Variants in KRCC1 observed in about 807,000 individuals in gnomAD.
KRCC1 encodes lysine-rich coiled-coil protein 1.
Under a neutral mutation model 7.4 loss-of-function variants are expected in KRCC1, and 3 were observed. The ratio of observed to expected loss-of-function variants is 0.40; its 90% CI spans 0.18 to 1.04. The LOEUF (loss-of-function observed/expected upper bound fraction) is 1.04, where lower values mean the gene tolerates loss of function less well. Ranked by LOEUF, KRCC1 falls within the 50% of genes least tolerant of loss-of-function variation. KRCC1 has a pLI of 0.33. For missense variants in KRCC1, 277 were observed against 300.9 expected (o/e 0.92, Z 0.59); for synonymous variants, 102 against 101.6 (o/e 1.00, Z -0.02).
At chr2:88,028,690 C>A in intron 3 of KRCC1, 105 bp from the exon 4 acceptor site, 4 of 708,544 alleles carry the variant, frequency 5.6e-6, no homozygotes, top group East Asian at 2.9e-5. Flanking sequence ...CGCCCTGTCG[C>A]CCAGACTAGA....
intron 1 of KRCC1, among the ~76,000 whole-genome samples, chr2:88,043,977 A>G (rs1057168604): frequency 1.3e-5 from 2 of 152,090 alleles, no homozygotes; most frequent in African/African-American, 2.4e-5. Context: ...GCCCGGCCTC[A>G]CGTTACTAAT....
chr2:88,055,182 G>A (rs1461129489), intron 1 of KRCC1, among the ~76,000 whole-genome samples: 10 of 148,742 alleles, frequency 6.7e-5, no homozygotes, highest in Non-Finnish European at 1.5e-4. Flanking sequence ...CTCCCTAAGC[G>A]TCCTACGTCA....
Position 88,028,232 on chromosome 2 carries a change from A to T in KRCC1, c.332T>A (p.Phe111Tyr). 2 of 1,614,192 alleles carry T rather than the reference A, an allele frequency of 1.2e-6. No homozygotes were observed. The highest frequency in any genetic ancestry group is 1.7e-6 in the Non-Finnish European group (2 of 1,180,020). Residue 111 changes from phenylalanine to tyrosine, a missense_variant, in exon 4 of 4, where the codon TTC (phenylalanine) becomes TAC (tyrosine). Transcript: ENST00000347055. ...LSYCQFTRDC[F>Y]SEKPVPLNFN... ...GTTCAGGGGTACTGGTTTTTCTGAG[A>T]AACAGTCCCTCGTGAACTGACAGTA...
intron 1 of KRCC1, among the ~76,000 whole-genome samples, chr2:88,039,891 G>A (rs1274962248): frequency 4.6e-5 from 7 of 151,830 alleles, no homozygotes; most frequent in Non-Finnish European, 7.4e-5. Context: ...TTGGTTTGGC[G>A]TAGTGCTTCG....
At chr2:88,039,461 C>A (rs1032317999) in intron 1 of KRCC1, among the ~76,000 whole-genome samples, 2 of 151,816 alleles carry the variant, frequency 1.3e-5, no homozygotes, top group Non-Finnish European at 2.9e-5. Flanking sequence ...CAGAGGCGGG[C>A]GGATTACTTG....
Position 88,027,646 on chromosome 2 carries a change from AAC to A in KRCC1, c.*136_*137del. ...TCTGTGTTGGAGAGCAAGCATGCTA[AAC>A]ACTTTGTTTACTAGGCCTTTGTTAG... On this transcript the variant is annotated 3_prime_UTR_variant, in exon 4 of 4. Coordinates refer to ENST00000347055, the MANE Select transcript of KRCC1 (RefSeq NM_016618.3). The A allele has an allele frequency of 1.5e-6, 1 of 670,344 alleles. No individual in the cohort carries two copies. The highest frequency in any genetic ancestry group is 2.5e-5 in the South Asian group (1 of 40,066). The allele number at this position is 670,344 out of a possible 1,614,324, so 41.5% of individuals were successfully genotyped here.
intron 1 of KRCC1, among the ~76,000 whole-genome samples, chr2:88,050,133 A>G (rs1458378192): frequency 6.6e-6 from 1 of 152,194 alleles, no homozygotes; most frequent in African/African-American, 2.4e-5. Context: ...GAACTCAAAA[A>G]TGTTTTCTGA....
intron 1 of KRCC1, among the ~76,000 whole-genome samples, chr2:88,054,007 T>C (rs1673557034): frequency 6.6e-6 from 1 of 152,216 alleles, no homozygotes; most frequent in Non-Finnish European, 1.5e-5. Context: ...TGCAGTGGGA[T>C]CAAGCACTAT....
At chr2:88,033,597 G>C (rs528074261) in intron 3 of KRCC1, among the ~76,000 whole-genome samples, 4 of 152,224 alleles carry the variant, frequency 2.6e-5, no homozygotes, top group East Asian at 1.9e-4. Context: ...ATACATGAAG[G>C]TTCATTATAC....
chr2:88,044,863 ATT>A (rs11302450), intron 1 of KRCC1, among the ~76,000 whole-genome samples: 122 of 105,838 alleles, frequency 1.2e-3, no homozygotes, highest in East Asian at 4.4e-3. Flanking sequence ...GAGTTTGATA[ATT>A]TTTTTTTTTT....
chr2:88,049,212 C>G (rs1209715804), intron 1 of KRCC1, among the ~76,000 whole-genome samples: 1 of 152,138 alleles, frequency 6.6e-6, no homozygotes, highest in Non-Finnish European at 1.5e-5. Flanking sequence ...TAAAGTAAGT[C>G]TTTGAATGCC....
intron 1 of KRCC1, among the ~76,000 whole-genome samples, chr2:88,051,616 GAAGTA>G (rs1489707694): frequency 1.3e-5 from 2 of 152,168 alleles, no homozygotes; most frequent in Non-Finnish European, 2.9e-5. Flanking sequence ...ATATTTACCG[GAAGTA>G]AAGTGACAAT....
intron 1 of KRCC1, among the ~76,000 whole-genome samples, chr2:88,054,926 G>A (rs531655943): frequency 1.3e-5 from 2 of 152,228 alleles, no homozygotes; most frequent in East Asian, 3.9e-4. Flanking sequence ...CTATGATCGC[G>A]CCACTGCACT....
chr2:88,042,058 CTTTTTT>C (rs5832712), intron 1 of KRCC1, among the ~76,000 whole-genome samples: 42 of 111,304 alleles, frequency 3.8e-4, no homozygotes, highest in Admixed American at 1.5e-3. Context: ...AGACCATTAT[CTTTTTT>C]TTTTTTTTTT....
chr2:88,042,162 G>A (rs1032979624), intron 1 of KRCC1, among the ~76,000 whole-genome samples: 1 of 148,698 alleles, frequency 6.7e-6, no homozygotes, highest in South Asian at 2.1e-4. Flanking sequence ...CCAGGTTCAC[G>A]CCATTCTCCT....
intron 3 of KRCC1, among the ~76,000 whole-genome samples, chr2:88,030,449 TA>T: frequency 6.6e-6 from 1 of 151,684 alleles, no homozygotes; most frequent in Non-Finnish European, 1.5e-5. Flanking sequence ...AGAAAAATAA[TA>T]AAAAATAATG....
chr2:88,029,076 T>G (rs1263655699), intron 3 of KRCC1, among the ~76,000 whole-genome samples: 1 of 152,162 alleles, frequency 6.6e-6, no homozygotes, highest in Non-Finnish European at 1.5e-5. Context: ...GTCAGATACC[T>G]CCCAGGTCAC....
At chr2:88,047,914 T>A (rs1673378135) in intron 1 of KRCC1, among the ~76,000 whole-genome samples, 1 of 152,146 alleles carries the variant, frequency 6.6e-6, no homozygotes, top group South Asian at 2.1e-4. Context: ...GCTAATTTGG[T>A]TATATTTTAG....
chr2:88,028,643 TC>T lies in KRCC1; in HGVS notation c.-22-59del, dbSNP rs368320372. Reference sequence around the variant, plus strand: ...ATCTTGTCCTGAGCATTTCCTTTGCTCTTTTTTTTTTTTTTTTTTTTCTTGA... The same window carrying T: ...ATCTTGTCCTGAGCATTTCCTTTGCTTTTTTTTTTTTTTTTTTTTTCTTGA... On this transcript the variant is annotated intron_variant, in intron 3 of 3. Coordinates refer to ENST00000347055, the MANE Select transcript of KRCC1 (RefSeq NM_016618.3). 1.2e-3 allele frequency: 925 copies of T among 750,842 alleles called. 3 individuals carry two copies. The East Asian group carries it at 0.014, about 11-fold the overall frequency. The allele number at this position is 750,842 out of a possible 1,614,324, so 46.5% of individuals were successfully genotyped here.
Sources: gnomAD v4.1 joint callset for allele counts (sites outside exome capture counted in the v4.1 genomes callset) on GRCh38, gnomAD v4.1.1 for gene constraint, MANE v1.5 for transcripts, NCBI Gene and HGNC (gene_info 2026-07-23, HGNC 2026-07-21) for gene names.